The following RASEF variants were observed in gnomAD, a reference collection of about 807,000 sequenced individuals.
The protein encoded by RASEF is RAS and EF-hand domain containing, also known as ras and EF-hand domain-containing protein.
RASEF carries 68 observed loss-of-function variants against 90.1 expected under a neutral mutation model. The ratio of observed to expected loss-of-function variants is 0.75; its 90% CI spans 0.62 to 0.92. The LOEUF is 0.92. RASEF is among the 40% of genes least tolerant of loss of function. The pLI is 0.00. For synonymous variants in RASEF, 331 were observed against 345.2 expected (o/e 0.96, Z 0.46); for missense variants, 949 against 937.2 (o/e 1.01, Z -0.16).
chr9:83,173,966 G>A, the RASEF span, among the ~76,000 whole-genome samples: 1,442 of 151,826 alleles, frequency 9.5e-3, 25 homozygotes, highest in African/African-American at 0.033. Context: ...TTTGCTTGCA[G>A]GAAGGTTCTA....
At chr9:83,015,930 T>C (rs1468904520) in intron 3 of RASEF, 30 bp from the exon 4 acceptor site, 1 of 1,540,496 alleles carries the variant, frequency 6.5e-7, no homozygotes, top group Non-Finnish European at 8.9e-7. Flanking sequence ...GTTGTTCATT[T>C]AAATAAGTTC....
In RASEF at chr9:83,062,828, G is replaced by C; in HGVS notation, c.40C>G (p.Arg14Gly). The C allele has an allele frequency of 6.5e-7, 1 of 1,550,040 alleles. No homozygotes were observed. The highest frequency in any genetic ancestry group is 1.2e-5 in the South Asian group (1 of 84,418). ...DGDGEELARL[R>G]SVFAACDANR... ...GCGTCGCAGGCGGCGAAGACTGAGC[G>C]CAGCCGGGCCAGCTCCTCTCCGTCC... The change falls in exon 1 of 17, where the codon CGC becomes GGC. Residue 14 changes from arginine (R) to glycine (G), a missense_variant. Physicochemically the swap from Arg to Gly is moderately radical, Grantham distance 125. Coordinates refer to ENST00000376447, the MANE Select transcript of RASEF (RefSeq NM_152573.4).
the RASEF span, among the ~76,000 whole-genome samples, chr9:83,068,498 T>C: frequency 1.3e-5 from 2 of 152,242 alleles, no homozygotes; most frequent in African/African-American, 4.8e-5. Flanking sequence ...GTCACCCTGC[T>C]GACAGCCAGC....
intron 6 of RASEF, 78 bp from the exon 7 acceptor site, chr9:83,007,583 T>C (rs1341442837): frequency 1.0e-6 from 1 of 1,001,530 alleles, no homozygotes; most frequent in Non-Finnish European, 1.6e-6. Flanking sequence ...TCCCAGACCC[T>C]TTCCCACCTT....
chr9:83,008,594 G>C (rs1437179923), intron 6 of RASEF, among the ~76,000 whole-genome samples: 2 of 151,954 alleles, frequency 1.3e-5, no homozygotes, highest in African/African-American at 4.8e-5. Context: ...GACCAGGACA[G>C]TGCCTGGCAG....
chr9:83,058,243 C>T lies in RASEF; in HGVS notation c.431+4194G>A, dbSNP rs1200543287. ...TGTCGCCCAGGCTGGAGTGCAGTGG[C>T]GCGATCTCGGCTCACTGCAAGCTCC... is the stretch of plus-strand genomic sequence containing the variant. On this transcript the variant is annotated intron_variant, in intron 1 of 16. Transcript: ENST00000376447. Among the ~76,000 whole-genome samples, 30 of 119,062 alleles carry T rather than the reference C, an allele frequency of 2.5e-4. 1 individual carries two copies. Among genetic ancestry groups the T allele is most frequent in the African/African-American group, 8.4e-4 (24 of 28,438 alleles). 78.1% of individuals were successfully genotyped at this position (119,062 alleles called of 152,430 possible).
chr9:83,146,196 A>T, the RASEF span, among the ~76,000 whole-genome samples: 1 of 151,882 alleles, frequency 6.6e-6, no homozygotes, highest in Non-Finnish European at 1.5e-5. Context: ...AAAACAGGGC[A>T]ACGATAAAAA....
the RASEF span, among the ~76,000 whole-genome samples, chr9:83,208,682 C>T: frequency 3.5e-4 from 53 of 152,192 alleles, no homozygotes; most frequent in African/African-American, 7.0e-4. Flanking sequence ...AGTTTCTTGC[C>T]GCCCACAAGA....
At chr9:83,017,352 T>C (rs1241040471) in intron 3 of RASEF, among the ~76,000 whole-genome samples, 1 of 148,954 alleles carries the variant, frequency 6.7e-6, no homozygotes, top group Non-Finnish European at 1.5e-5. Context: ...AGAAAGAAAT[T>C]AGCCGGGTGT....
the RASEF span, among the ~76,000 whole-genome samples, chr9:83,187,725 C>T: frequency 6.6e-6 from 1 of 152,186 alleles, no homozygotes; most frequent in African/African-American, 2.4e-5. Flanking sequence ...TATTCAATCT[C>T]TTGAGGGTGC....
At chr9:83,056,561 G>A (rs749334209) in intron 1 of RASEF, among the ~76,000 whole-genome samples, 3 of 152,130 alleles carry the variant, frequency 2.0e-5, no homozygotes, top group African/African-American at 4.8e-5. Flanking sequence ...CATATGATAC[G>A]GCTACTTTCA....
At chr9:83,213,969 C>T in the RASEF span, among the ~76,000 whole-genome samples, 2 of 152,152 alleles carry the variant, frequency 1.3e-5, no homozygotes, top group East Asian at 3.8e-4. Context: ...CCTGTAATCC[C>T]AGCTATTTGA....
chr9:83,182,633 C>A, the RASEF span, among the ~76,000 whole-genome samples: 1 of 152,078 alleles, frequency 6.6e-6, no homozygotes, highest in Non-Finnish European at 1.5e-5. Flanking sequence ...AACACTTAGA[C>A]AAATATATCC....
chr9:83,007,744 C>T (rs1053435627), intron 6 of RASEF, among the ~76,000 whole-genome samples: 2 of 152,092 alleles, frequency 1.3e-5, no homozygotes, highest in Non-Finnish European at 2.9e-5. Context: ...GCCCCGCCTC[C>T]GACATCACAA....
the RASEF span, among the ~76,000 whole-genome samples, chr9:83,194,709 A>G: frequency 1.5e-4 from 23 of 152,162 alleles, no homozygotes; most frequent in African/African-American, 5.6e-4. Context: ...TTAATCACTC[A>G]TTCAGTCATT....
At chr9:83,090,149 C>G in the RASEF span, among the ~76,000 whole-genome samples, 3 of 152,090 alleles carry the variant, frequency 2.0e-5, no homozygotes, top group African/African-American at 7.2e-5. Context: ...GTGAATCTTG[C>G]ATTTCAATTG....
chr9:82,987,352 G>C (rs1056523029), intron 16 of RASEF, among the ~76,000 whole-genome samples: 3 of 152,174 alleles, frequency 2.0e-5, no homozygotes, highest in African/African-American at 7.2e-5. Flanking sequence ...AAACCTCTAT[G>C]ATAAATGATT....
the RASEF span, among the ~76,000 whole-genome samples, chr9:83,166,644 C>A: frequency 6.6e-6 from 1 of 152,140 alleles, no homozygotes; most frequent in African/African-American, 2.4e-5. Flanking sequence ...CTGTGCAGCT[C>A]CTTCTCCTTA....
chr9:83,007,868 G>C (rs1829162724), intron 6 of RASEF, among the ~76,000 whole-genome samples: 1 of 152,132 alleles, frequency 6.6e-6, no homozygotes, highest in Non-Finnish European at 1.5e-5. Flanking sequence ...TCTCTTCTAA[G>C]GGTGTCTCAG....
Sources: allele counts gnomAD v4.1 joint callset (sites outside exome capture counted in the v4.1 genomes callset), GRCh38; gene constraint gnomAD v4.1.1; transcripts MANE v1.5; gene names NCBI Gene and HGNC (gene_info 2026-07-23, HGNC 2026-07-21).